Variants in STK32B observed in about 807,000 individuals in gnomAD.
STK32B encodes the protein serine/threonine-protein kinase 32B.
STK32B carries 43 observed loss-of-function variants against 52.6 expected under a neutral mutation model. The ratio of observed to expected loss-of-function variants is 0.82; its 90% CI spans 0.64 to 1.05. The LOEUF is 1.05. Among genes scored for constraint, STK32B ranks in the 50% least tolerant of loss-of-function variants. STK32B has a pLI of 0.00. For synonymous variants in STK32B, 238 were observed against 204.3 expected, an observed-to-expected ratio of 1.17 and a Z score of -1.41; for missense variants, 621 against 534.6, an observed-to-expected ratio of 1.16 and a Z score of -1.59.
At chr4:5,416,488 C>T (rs1048299119) in intron 5 of STK32B, among the ~76,000 whole-genome samples, 47 of 152,152 alleles carry the variant, frequency 3.1e-4, no homozygotes, top group African/African-American at 8.5e-4. Flanking sequence ...CACCTACCCC[C>T]GCCCCAGCCA....
At position 5,373,252 on chromosome 4, in the gene STK32B, C is replaced by T. The variant is rs554105791; in HGVS notation, c.435-24955C>T. Among the ~76,000 whole-genome samples, 260 of 152,196 alleles carry T rather than the reference C, an allele frequency of 1.7e-3. 1 individual carries two copies. Among genetic ancestry groups the T allele is most frequent in the African/African-American group, 5.1e-3 (213 of 41,514 alleles). On this transcript the variant is annotated intron_variant, in intron 4 of 11. Coordinates refer to ENST00000282908, the MANE Select transcript of STK32B (RefSeq NM_018401.3). ...ATATGTGTGTAGGAAGGAAGGTTTA[C>T]CATGAGGAATTGGCTCAGATGACTG...
chr4:5,334,138 C>A (rs1029515723), intron 4 of STK32B, among the ~76,000 whole-genome samples: 1 of 151,788 alleles, frequency 6.6e-6, no homozygotes. Context: ...TTCTTTGTAT[C>A]CTCTTTTATT....
chr4:5,439,015 G>C (rs1714422314), intron 6 of STK32B, among the ~76,000 whole-genome samples: 1 of 151,352 alleles, frequency 6.6e-6, no homozygotes, highest in African/African-American at 2.4e-5. Context: ...TTGGACATTT[G>C]GGTTGGTTCC....
intron 3 of STK32B, among the ~76,000 whole-genome samples, chr4:5,241,821 G>A (rs927344007): frequency 1.3e-5 from 2 of 152,116 alleles, no homozygotes; most frequent in Admixed American, 6.6e-5. Flanking sequence ...GTGAGAACAT[G>A]CGGTGTTTGG....
At chr4:5,461,459 G>T (rs942166808) in intron 9 of STK32B, among the ~76,000 whole-genome samples, 1 of 152,164 alleles carries the variant, frequency 6.6e-6, no homozygotes, top group Non-Finnish European at 1.5e-5. Context: ...TTCTCCAAGA[G>T]TGCCAGGCTT....
At chr4:5,301,017 T>C (rs1159448617) in intron 3 of STK32B, among the ~76,000 whole-genome samples, 1 of 152,152 alleles carries the variant, frequency 6.6e-6, no homozygotes, top group African/African-American at 2.4e-5. Flanking sequence ...TATCAAATGC[T>C]TTTTCTGAAT....
chr4:5,338,410 C>T (rs1219711754), intron 4 of STK32B, among the ~76,000 whole-genome samples: 1 of 152,214 alleles, frequency 6.6e-6, no homozygotes, highest in African/African-American at 2.4e-5. Flanking sequence ...AAGAAGGTCA[C>T]ACCAGGGTAG....
chr4:5,151,306 T>G (rs1215211365), intron 2 of STK32B, among the ~76,000 whole-genome samples: 1 of 152,220 alleles, frequency 6.6e-6, no homozygotes, highest in Non-Finnish European at 1.5e-5. Flanking sequence ...GAAGTCTACA[T>G]GACTATTATT....
chr4:5,412,789 C>T (rs991554133), intron 5 of STK32B, among the ~76,000 whole-genome samples: 4 of 152,198 alleles, frequency 2.6e-5, no homozygotes, highest in Non-Finnish European at 4.4e-5. Flanking sequence ...GTTGCATTTT[C>T]CCCCTCTTTA....
intron 1 of STK32B, among the ~76,000 whole-genome samples, chr4:5,077,716 G>A (rs1712166876): frequency 6.6e-6 from 1 of 152,098 alleles, no homozygotes. Flanking sequence ...ATAGCAAAGA[G>A]GCTGCGGGGG....
intron 11 of STK32B, among the ~76,000 whole-genome samples, chr4:5,491,511 T>C (rs1719731295): frequency 6.6e-6 from 1 of 151,980 alleles, no homozygotes; most frequent in South Asian, 2.1e-4. Context: ...GTGAAAATTT[T>C]CTCCCATTTT....
intron 3 of STK32B, among the ~76,000 whole-genome samples, chr4:5,292,845 A>G (rs1160474028): frequency 6.6e-6 from 1 of 151,864 alleles, no homozygotes; most frequent in Admixed American, 6.6e-5. Flanking sequence ...ACATAGATAT[A>G]CATGTGCCAT....
chr4:5,496,698 C>G (rs1720289956), intron 11 of STK32B, among the ~76,000 whole-genome samples: 2 of 152,086 alleles, frequency 1.3e-5, no homozygotes, highest in Admixed American at 6.5e-5. Flanking sequence ...ATCTTGGCCC[C>G]AGGCCCATTT....
At chr4:5,205,774 A>G (rs113759720) in intron 3 of STK32B, among the ~76,000 whole-genome samples, 8 of 151,700 alleles carry the variant, frequency 5.3e-5, no homozygotes, top group African/African-American at 1.5e-4. Flanking sequence ...GGATTGGGCA[A>G]TGCCCATGTT....
At chr4:5,277,680 G>A (rs2108866118) in intron 3 of STK32B, among the ~76,000 whole-genome samples, 1 of 152,258 alleles carries the variant, frequency 6.6e-6, no homozygotes, top group Non-Finnish European at 1.5e-5. Flanking sequence ...ATTTATAGCT[G>A]TGCAGTTCAT....
At chr4:5,443,026 C>T (rs561063188) in intron 6 of STK32B, among the ~76,000 whole-genome samples, 1 of 150,902 alleles carries the variant, frequency 6.6e-6, no homozygotes, top group South Asian at 2.1e-4. Context: ...TTCTCTCTGG[C>T]TGCCCTTAAC....
chr4:5,051,526 G>A lies in STK32B; in HGVS notation c.-338G>A, dbSNP rs1162608437. 3 of 330,602 alleles carry A rather than the reference G, an allele frequency of 9.1e-6. No homozygotes were observed. Among genetic ancestry groups the A allele is most frequent in the Admixed American group, 5.2e-5 (1 of 19,166 alleles). 20.5% of individuals were successfully genotyped at this position (330,602 alleles called of 1,614,324 possible). On this transcript the variant is annotated 5_prime_UTR_variant, in exon 1 of 12. Coordinates refer to ENST00000282908, the MANE Select transcript of STK32B (RefSeq NM_018401.3). ...CCGCGCCGCCTCGCGTCTCCCGCCC[G>A]CTGTAGCCGGCGAGGAGCGCCGCAC... is the stretch of plus-strand genomic sequence containing the variant.
chr4:5,162,219 C>T (rs544496251), intron 2 of STK32B, among the ~76,000 whole-genome samples: 1 of 152,208 alleles, frequency 6.6e-6, no homozygotes, highest in African/African-American at 2.4e-5. Context: ...GCGATTAGAG[C>T]CCTGACCATA....
At chr4:5,221,874 A>T (rs2108797219) in intron 3 of STK32B, among the ~76,000 whole-genome samples, 1 of 150,326 alleles carries the variant, frequency 6.7e-6, no homozygotes, top group South Asian at 2.1e-4. Context: ...AAAAAAAAAA[A>T]AATTCAGGTG....
Sources: gnomAD v4.1 joint callset for allele counts (sites outside exome capture counted in the v4.1 genomes callset) on GRCh38, gnomAD v4.1.1 for gene constraint, MANE v1.5 for transcripts, NCBI Gene and HGNC (gene_info 2026-07-23, HGNC 2026-07-21) for gene names.